The following RBMS1 variants were observed in gnomAD, a reference collection of about 807,000 sequenced individuals.
RBMS1 encodes RNA-binding motif, single-stranded-interacting protein 1.
Under a neutral mutation model 62.3 loss-of-function variants are expected in RBMS1, and 17 were observed. The ratio of observed to expected loss-of-function variants is 0.27; its 90% CI spans 0.19 to 0.41. The LOEUF (loss-of-function observed/expected upper bound fraction) is 0.41, where lower values mean the gene tolerates loss of function less well. Ranked by LOEUF, RBMS1 falls within the 10% of genes least tolerant of loss-of-function variation. RBMS1 has a pLI of 1.00. For missense variants in RBMS1, 334 were observed against 504.5 expected, an observed-to-expected ratio of 0.66 and a Z score of 3.24; for synonymous variants, 172 against 170.0, an observed-to-expected ratio of 1.01 and a Z score of -0.09.
intron 1 of RBMS1, among the ~76,000 whole-genome samples, chr2:160,391,860 C>A (rs4407212): frequency 0.46 from 69,417 of 151,762 alleles, 17,819 homozygotes; most frequent in East Asian, 0.62. Flanking sequence ...TGCTTGTAGT[C>A]TCAGCTACTC....
At chr2:160,440,226 T>G (rs1185176508) in intron 1 of RBMS1, among the ~76,000 whole-genome samples, 1 of 152,076 alleles carries the variant, frequency 6.6e-6, no homozygotes, top group Non-Finnish European at 1.5e-5. Flanking sequence ...TTCTTATAAT[T>G]GTGAACATAA....
At chr2:160,473,239 A>G (rs1458629061) in intron 1 of RBMS1, among the ~76,000 whole-genome samples, 1 of 152,210 alleles carries the variant, frequency 6.6e-6, no homozygotes, top group Non-Finnish European at 1.5e-5. Flanking sequence ...TTCCCCATGC[A>G]CACTGACTTG....
intron 1 of RBMS1, among the ~76,000 whole-genome samples, chr2:160,379,344 G>A (rs1299340973): frequency 6.6e-6 from 1 of 152,098 alleles, no homozygotes; most frequent in Non-Finnish European, 1.5e-5. Context: ...TTTATTTCAG[G>A]TGAAATTTCT....
intron 2 of RBMS1, among the ~76,000 whole-genome samples, chr2:160,365,446 G>A (rs1252583827): frequency 6.6e-6 from 1 of 152,020 alleles, no homozygotes; most frequent in Non-Finnish European, 1.5e-5. Flanking sequence ...ACATGTCAAA[G>A]AGAACAACAA....
chr2:160,367,441 C>T (rs940521030), intron 1 of RBMS1, 50 bp from the exon 2 acceptor site: 40 of 1,595,200 alleles, frequency 2.5e-5, no homozygotes, highest in Non-Finnish European at 3.3e-5. Flanking sequence ...AGGAGGCTGA[C>T]ACCAAATAAA....
chr2:160,480,046 G>C (rs1685303394), intron 1 of RBMS1, among the ~76,000 whole-genome samples: 1 of 152,076 alleles, frequency 6.6e-6, no homozygotes, highest in African/African-American at 2.4e-5. Flanking sequence ...GAAGCCCATT[G>C]AGCAGCATGT....
chr2:160,481,006 G>T (rs1369341824), intron 1 of RBMS1, among the ~76,000 whole-genome samples: 1 of 150,892 alleles, frequency 6.6e-6, no homozygotes, highest in African/African-American at 2.4e-5. Flanking sequence ...GCCTGAACCT[G>T]GGAGGCAGAG....
Position 160,419,114 on chromosome 2 carries a change from A to G in RBMS1, c.76-51723T>C, listed in dbSNP as rs188165905. On this transcript the variant is annotated intron_variant, in intron 1 of 13. Coordinates refer to ENST00000348849, the MANE Select transcript of RBMS1 (RefSeq NM_016836.4). Reference sequence around the variant, plus strand: ...CACGGTTAATTCAGTGATAAATTTTACATTCTAATTTACCAGCCAAACTTC... The same window carrying G: ...CACGGTTAATTCAGTGATAAATTTTGCATTCTAATTTACCAGCCAAACTTC... 1.1e-4 allele frequency among the ~76,000 whole-genome samples: 16 copies of G among 152,330 alleles called. No homozygotes were observed. In the East Asian group the frequency reaches 2.9e-3, roughly 27 times the overall value.
intron 1 of RBMS1, among the ~76,000 whole-genome samples, chr2:160,469,590 C>A (rs988576013): frequency 6.6e-6 from 1 of 152,230 alleles, no homozygotes; most frequent in South Asian, 2.1e-4. Context: ...CACCTCTCCA[C>A]AGACCCTTTT....
chr2:160,329,418 T>C (rs1691132049), intron 2 of RBMS1, among the ~76,000 whole-genome samples: 2 of 152,132 alleles, frequency 1.3e-5, no homozygotes, highest in Non-Finnish European at 2.9e-5. Context: ...TGGAAAAGGA[T>C]ACATAGCCCC....
At chr2:160,379,560 G>C (rs1309599902) in intron 1 of RBMS1, among the ~76,000 whole-genome samples, 9 of 152,326 alleles carry the variant, frequency 5.9e-5, no homozygotes, top group African/African-American at 2.2e-4. Flanking sequence ...TTCTGAAGCA[G>C]ATAAATTGAA....
intron 1 of RBMS1, among the ~76,000 whole-genome samples, chr2:160,426,277 GAAAGAA>G (rs1682593960): frequency 8.8e-6 from 1 of 113,734 alleles, no homozygotes; most frequent in African/African-American, 3.6e-5. Flanking sequence ...AAGAAAGAAA[GAAAGAA>G]AGAAAGAAAA....
At chr2:160,372,918 G>C (rs1381061101) in intron 1 of RBMS1, among the ~76,000 whole-genome samples, 1 of 151,910 alleles carries the variant, frequency 6.6e-6, no homozygotes, top group African/African-American at 2.4e-5. Flanking sequence ...GAAGAGTAAG[G>C]CCCCTTTACA....
intron 1 of RBMS1, among the ~76,000 whole-genome samples, chr2:160,464,389 A>G (rs1684599466): frequency 6.6e-6 from 1 of 152,264 alleles, no homozygotes. Context: ...ATAGATTGTG[A>G]CATCATAAAT....
intron 10 of RBMS1, chr2:160,279,444 C>T (rs1405047598): frequency 6.6e-6 from 1 of 152,156 alleles, no homozygotes; most frequent in Non-Finnish European, 1.5e-5. Context: ...AGATCATAGC[C>T]TCTGTGTGTT....
chr2:160,401,337 G>C (rs868199315), intron 1 of RBMS1, among the ~76,000 whole-genome samples: 1 of 152,178 alleles, frequency 6.6e-6, no homozygotes, highest in Non-Finnish European at 1.5e-5. Context: ...GTTTCTTGCT[G>C]CTGCTGTCGT....
At chr2:160,426,333 G>A (rs61276652) in intron 1 of RBMS1, among the ~76,000 whole-genome samples, 1,250 of 23,078 alleles carry the variant, frequency 0.054, 67 homozygotes, top group Middle Eastern at 0.094. Flanking sequence ...AAGGAAGGAA[G>A]GAAAGGAAGG....
At chr2:160,433,839 A>C (rs901071068) in intron 1 of RBMS1, among the ~76,000 whole-genome samples, 2 of 152,240 alleles carry the variant, frequency 1.3e-5, no homozygotes, top group African/African-American at 4.8e-5. Flanking sequence ...TCAATCTTTC[A>C]ACACAAAGCA....
chr2:160,458,518 C>T (rs59228573), intron 1 of RBMS1, among the ~76,000 whole-genome samples: 40,394 of 152,008 alleles, frequency 0.27, 6,281 homozygotes, highest in East Asian at 0.6. Flanking sequence ...ATTGCCAGGC[C>T]GGGCACGGTG....
Sources: allele counts gnomAD v4.1 joint callset (sites outside exome capture counted in the v4.1 genomes callset), GRCh38; gene constraint gnomAD v4.1.1; transcripts MANE v1.5; gene names NCBI Gene and HGNC (gene_info 2026-07-23, HGNC 2026-07-21).